The following PDE6C variants were observed in gnomAD, a reference collection of about 807,000 sequenced individuals.
PDE6C encodes cone cGMP-specific 3',5'-cyclic phosphodiesterase subunit alpha'.
In PDE6C, 75 loss-of-function variants were observed where a neutral mutation model predicts 113.1. That is an observed-to-expected ratio of 0.66 (90% CI 0.55 to 0.80). The LOEUF (loss-of-function observed/expected upper bound fraction) is 0.80. Ranked by LOEUF, PDE6C falls within the 30% of genes least tolerant of loss-of-function variation. PDE6C has a pLI of 0.00. For missense variants in PDE6C, 912 were observed against 1,038.6 expected (o/e 0.88, Z 1.67); for synonymous variants, 375 against 363.7 (o/e 1.03, Z -0.35).
intron 4 of PDE6C, among the ~76,000 whole-genome samples, chr10:93,624,171 C>T (rs915247208): frequency 6.6e-6 from 1 of 152,046 alleles, no homozygotes; most frequent in Non-Finnish European, 1.5e-5. Context: ...GCCCTTGTGT[C>T]ATCTTCTTTA....
chr10:93,626,283 G>A (rs1296608889), intron 5 of PDE6C, among the ~76,000 whole-genome samples: 2 of 152,180 alleles, frequency 1.3e-5, no homozygotes, highest in Admixed American at 6.5e-5. Flanking sequence ...TTCTAGTGAA[G>A]TTATTAATGT....
chr10:93,649,093 T>G (rs533706895), intron 15 of PDE6C, among the ~76,000 whole-genome samples: 1 of 152,162 alleles, frequency 6.6e-6, no homozygotes, highest in South Asian at 2.1e-4. Flanking sequence ...CATTTCTACC[T>G]GTTTGGGGTG....
chr10:93,619,937 G>A (rs2058437376), intron 1 of PDE6C, among the ~76,000 whole-genome samples: 1 of 152,158 alleles, frequency 6.6e-6, no homozygotes. Context: ...CCAGGGTGGA[G>A]TAGTGTGCAC....
chr10:93,633,027 A>G (rs1287282498), intron 8 of PDE6C, among the ~76,000 whole-genome samples: 1 of 152,230 alleles, frequency 6.6e-6, no homozygotes, highest in East Asian at 1.9e-4. Context: ...AGGATGACTA[A>G]GTAAGCCAAG....
At chr10:93,662,252 C>G in intron 19 of PDE6C, 119 bp downstream of exon 19, 1 of 748,110 alleles carries the variant, frequency 1.3e-6, no homozygotes, top group Non-Finnish European at 2.4e-6. Flanking sequence ...ATCACGAGGT[C>G]AAAAGATCGA....
At chr10:93,639,738 G>A (rs2058549885) in intron 11 of PDE6C, among the ~76,000 whole-genome samples, 1 of 152,038 alleles carries the variant, frequency 6.6e-6, no homozygotes, top group Non-Finnish European at 1.5e-5. Flanking sequence ...TATCAAAAAT[G>A]AGTAAGGCTT....
Position 93,635,594 on chromosome 10 carries a change from T to A in PDE6C, c.1367T>A (p.Leu456His). 6.2e-7 allele frequency: 1 copy of A among 1,614,082 alleles called. No individual in the cohort carries two copies. The highest frequency in any genetic ancestry group is 8.5e-7 in the Non-Finnish European group (1 of 1,179,920). ...AGAAAGGACATTGCTCAGGAAATGC[T>A]CATGAACCAAACCAAAGCCACTCCT... ...ENRKDIAQEMLMNQTKATPEE... is the reference protein window; with the variant it reads ...ENRKDIAQEMHMNQTKATPEE... Residue 456 changes from leucine to histidine, a missense_variant, in exon 10 of 22, where the codon CTC (leucine) becomes CAC (histidine). Physicochemically the swap from Leu to His is moderately conservative, Grantham distance 99. Transcript: ENST00000371447.
At chr10:93,640,367 A>C in intron 12 of PDE6C, 83 bp from the exon 13 acceptor site, 2 of 1,262,998 alleles carry the variant, frequency 1.6e-6, no homozygotes, top group African/African-American at 1.5e-5. Flanking sequence ...CAAGACCAAC[A>C]CATCTTTTTA....
At chr10:93,654,871 A>G (rs1439507140) in intron 15 of PDE6C, among the ~76,000 whole-genome samples, 35 of 146,898 alleles carry the variant, frequency 2.4e-4, no homozygotes, top group African/African-American at 8.5e-4. Context: ...GCAATGGCAC[A>G]GTCTCAGTTC....
At chr10:93,626,770 A>C in intron 6 of PDE6C, 35 bp from the exon 7 acceptor site, 1 of 1,599,906 alleles carries the variant, frequency 6.3e-7, no homozygotes, top group African/African-American at 1.3e-5. Context: ...GCATTTCTCT[A>C]TATTGCAATG....
intron 7 of PDE6C, among the ~76,000 whole-genome samples, chr10:93,628,269 G>A (rs1373724203): frequency 6.6e-6 from 1 of 151,384 alleles, no homozygotes; most frequent in African/African-American, 2.4e-5. Flanking sequence ...GAACTTAATT[G>A]CTAAGATCCC....
intron 4 of PDE6C, 61 bp from the exon 5 acceptor site, chr10:93,625,514 A>C (rs2058469079): frequency 9.2e-7 from 1 of 1,091,642 alleles, no homozygotes; most frequent in African/African-American, 1.5e-5. Context: ...TAAAATTCAT[A>C]TAAGATATGG....
At chr10:93,617,779 A>AAAAG (rs1257167746) in intron 1 of PDE6C, among the ~76,000 whole-genome samples, 2 of 152,206 alleles carry the variant, frequency 1.3e-5, no homozygotes, top group East Asian at 3.8e-4. Flanking sequence ...TGTCTCAAAA[A>AAAAG]AAAGAAAGAA....
intron 15 of PDE6C, 98 bp downstream of exon 15, chr10:93,646,145 C>A: frequency 1.3e-6 from 1 of 750,198 alleles, no homozygotes; most frequent in Non-Finnish European, 2.4e-6. Flanking sequence ...TGAGTTACAG[C>A]AGTTGATAGT....
intron 4 of PDE6C, among the ~76,000 whole-genome samples, chr10:93,624,484 C>T (rs1184124553): frequency 1.3e-5 from 2 of 152,202 alleles, no homozygotes; most frequent in African/African-American, 4.8e-5. Flanking sequence ...GTGATCCGCT[C>T]GCCTTGGCCT....
At chr10:93,636,832 A>G (rs535655072) in intron 10 of PDE6C, among the ~76,000 whole-genome samples, 163 bp from the exon 11 acceptor site, 21 of 152,252 alleles carry the variant, frequency 1.4e-4, no homozygotes, top group African/African-American at 5.1e-4. Flanking sequence ...CAGTGGTGCC[A>G]TCATAGCTCA....
intron 16 of PDE6C, among the ~76,000 whole-genome samples, chr10:93,657,328 ATTTTTTTTTTTTTT>A (rs71031526): frequency 3.4e-5 from 3 of 88,286 alleles, no homozygotes; most frequent in South Asian, 4.6e-4. Flanking sequence ...CGCCTGGCTA[ATTTTTTTTTTTTTT>A]TTTTTTTTTT....
Position 93,613,008 on chromosome 10 carries a change from C to T in PDE6C, c.283C>T (p.Arg95Cys), listed in dbSNP as rs757099539. 2.6e-5 allele frequency: 42 copies of T among 1,613,986 alleles called. No individual in the cohort carries two copies. Among genetic ancestry groups the T allele is most frequent in the African/African-American group, 1.2e-4 (9 of 74,916 alleles). Residue 95 changes from arginine to cysteine, a missense_variant, in exon 1 of 22, where the codon CGC becomes TGC. Transcript: ENST00000371447. ...GCTGGCCCACCTGCTCCAGGCTGAC[C>T]GCTGCAGCATGTTCCTGTGCCGGTC... Reference protein sequence around the residue: ...QRLAHLLQADRCSMFLCRSRN... With the variant: ...QRLAHLLQADCCSMFLCRSRN...
In PDE6C at chr10:93,656,265, C is replaced by T. The variant is rs76408753; in HGVS notation, c.2036+405C>T. Among the ~76,000 whole-genome samples, 18 of 152,266 alleles carry T rather than the reference C, an allele frequency of 1.2e-4. No homozygotes were observed. The East Asian group carries it at 3.3e-3, about 28-fold the overall frequency. The stretch of plus-strand genomic sequence containing the variant: ...ATCTGGCATTTTAATGTTTCAGCCT[C>T]AGAAATTTAATTCTGTCAAAGTCTG... On this transcript the variant is annotated intron_variant, in intron 16 of 21. Transcript: ENST00000371447.
Sources: allele counts gnomAD v4.1 joint callset (sites outside exome capture counted in the v4.1 genomes callset), GRCh38; gene constraint gnomAD v4.1.1; transcripts MANE v1.5; gene names NCBI Gene and HGNC (gene_info 2026-07-23, HGNC 2026-07-21).